Variants in NSD3 observed in about 807,000 individuals in gnomAD.
NSD3 encodes nuclear receptor binding SET domain protein 3.
NSD3 carries 24 observed loss-of-function variants against 160.8 expected under a neutral mutation model. The ratio of observed to expected loss-of-function variants is 0.15; its 90% CI spans 0.11 to 0.21. The LOEUF is 0.21. Among genes scored for constraint, NSD3 ranks in the 10% least tolerant of loss-of-function variants. The probability of loss-of-function intolerance (pLI) is 1.00; values close to 1 mark genes in which losing one functional copy is unlikely to be tolerated. For synonymous variants in NSD3, 520 were observed against 600.0 expected (o/e 0.87, Z 1.95); for missense variants, 1,157 against 1,735.9 (o/e 0.67, Z 5.93).
intron 4 of NSD3, chr8:38,336,008 G>A (rs1810207261): frequency 6.6e-6 from 1 of 152,200 alleles, no homozygotes; most frequent in Non-Finnish European, 1.5e-5. Context: ...GACGAAAAAT[G>A]GTTGAGCCAG....
intron 12 of NSD3, among the ~76,000 whole-genome samples, chr8:38,309,791 T>C (rs1809491544): frequency 6.6e-6 from 1 of 152,252 alleles, no homozygotes. Flanking sequence ...AGATGCTTTC[T>C]TTCCAGAAAT....
At chr8:38,352,543 G>C (rs1405971824) in intron 1 of NSD3, among the ~76,000 whole-genome samples, 1 of 152,170 alleles carries the variant, frequency 6.6e-6, no homozygotes, top group Non-Finnish European at 1.5e-5. Context: ...ACCACAAAGT[G>C]GGAGAACTTG....
At chr8:38,338,693 A>T in intron 2 of NSD3, 86 bp from the exon 3 acceptor site, 1 of 1,056,494 alleles carries the variant, frequency 9.5e-7, no homozygotes, top group South Asian at 1.3e-5. Flanking sequence ...AAAAAGAATC[A>T]AAGAAAACTA....
chr8:38,343,012 C>T (rs1328115905), intron 2 of NSD3, among the ~76,000 whole-genome samples: 3 of 150,828 alleles, frequency 2.0e-5, no homozygotes, highest in Non-Finnish European at 4.4e-5. Flanking sequence ...GCCAACATGG[C>T]GAAACCCCGT....
At chr8:38,380,273 T>C (rs1362730859) in intron 1 of NSD3, among the ~76,000 whole-genome samples, 2 of 152,208 alleles carry the variant, frequency 1.3e-5, no homozygotes, top group Non-Finnish European at 2.9e-5. Flanking sequence ...AAATACTATT[T>C]AAAAATACAT....
intron 3 of NSD3, among the ~76,000 whole-genome samples, chr8:38,337,891 C>A (rs1219761183): frequency 6.6e-6 from 1 of 152,136 alleles, no homozygotes; most frequent in Non-Finnish European, 1.5e-5. Context: ...TTCTCTGATG[C>A]CTCCTATCTA....
intron 1 of NSD3, among the ~76,000 whole-genome samples, chr8:38,350,688 C>A (rs1312592857): frequency 6.6e-6 from 1 of 152,204 alleles, no homozygotes; most frequent in East Asian, 1.9e-4. Flanking sequence ...GGGGTGGGGT[C>A]CTGGGCATAA....
At chr8:38,283,592 T>C (rs1808782594) in intron 19 of NSD3, among the ~76,000 whole-genome samples, 3 of 152,014 alleles carry the variant, frequency 2.0e-5, no homozygotes, top group African/African-American at 7.2e-5. Flanking sequence ...AAAAATAGAT[T>C]ATAATAAGGG....
rs554912662 is a variant in NSD3, at chr8:38,342,820, A to C, written c.676-4213T>G. On this transcript the variant is annotated intron_variant, in intron 2 of 23. Transcript: ENST00000317025. The stretch of plus-strand genomic sequence containing the variant: ...TGATCCGCCCGCCTCGGCCTCCCAA[A>C]GTGCTGGGATTACAGCCGTGAGCCA... Among the ~76,000 whole-genome samples the C allele has an allele frequency of 5.3e-5, 8 of 152,050 alleles. No homozygotes were observed. In the East Asian group the frequency reaches 1.6e-3, roughly 30 times the overall value.
At chr8:38,301,172 T>C (rs998404817) in intron 14 of NSD3, among the ~76,000 whole-genome samples, 1 of 152,178 alleles carries the variant, frequency 6.6e-6, no homozygotes, top group Non-Finnish European at 1.5e-5. Flanking sequence ...GGTCTTGCTA[T>C]GTTGCCCAGG....
Position 38,326,919 on chromosome 8 carries a change from G to C in NSD3, c.1582-63C>G, listed in dbSNP as rs550275824. On this transcript the variant is annotated intron_variant, in intron 6 of 23. Transcript: ENST00000317025. ...TGATTACCAGGCAAGTGGCATCATG[G>C]GCTTATAAAGATGGCTTAAAATGAT... is the stretch of plus-strand genomic sequence containing the variant. 4 of 1,567,582 alleles carry C rather than the reference G, an allele frequency of 2.6e-6. No individual in the cohort carries two copies. The African/African-American group carries it at 5.5e-5, about 22-fold the overall frequency.
Position 38,347,533 on chromosome 8 carries a change from T to G in NSD3, c.639A>C (p.Ser213=). The change falls in exon 2 of 24, where the codon TCA becomes TCC. Residue 213 remains serine (S), a synonymous_variant. Transcript: ENST00000317025. ...CTGGTTCTAATTTGGGGATTTTGTG[T>G]GACTTGCGCTCTTCAGATCTTGATG... ...HDSSRSEERK[S]HKIPKLEPEE... The G allele has an allele frequency of 6.3e-7, 1 of 1,586,054 alleles. No individual in the cohort carries two copies. Among genetic ancestry groups the G allele is most frequent in the Non-Finnish European group, 8.5e-7 (1 of 1,170,366 alleles).
rs1177568068 is a variant in NSD3 at position 38,270,020 on chromosome 8, T to C, written c.*5621A>G. 1.3e-5 allele frequency: 2 copies of C among 152,208 alleles called. No individual in the cohort carries two copies. Among genetic ancestry groups the C allele is most frequent in the Admixed American group, 1.3e-4 (2 of 15,282 alleles). 9.4% of individuals were successfully genotyped at this position (152,208 alleles called of 1,614,324 possible). A position where few individuals can be genotyped will look rare whatever the true frequency, so the allele number is the denominator to read the frequency against. On this transcript the variant is annotated 3_prime_UTR_variant, in exon 24 of 24. Transcript: ENST00000317025. Reference sequence around the variant, plus strand: ...ACGTTTCACACTATGCAATAAAACATAGGCCAATCAACAAAATCCTCAAAA... The same window carrying C: ...ACGTTTCACACTATGCAATAAAACACAGGCCAATCAACAAAATCCTCAAAA...
chr8:38,374,848 C>CA (rs1811348985), intron 1 of NSD3, among the ~76,000 whole-genome samples: 1 of 151,758 alleles, frequency 6.6e-6, no homozygotes, highest in South Asian at 2.1e-4. Flanking sequence ...ACTAAAAATA[C>CA]AAAAAATTAG....
intron 12 of NSD3, among the ~76,000 whole-genome samples, chr8:38,313,033 CAAATA>C (rs1809570722): frequency 6.6e-6 from 1 of 152,132 alleles, no homozygotes; most frequent in African/African-American, 2.4e-5. Flanking sequence ...TTCTGAAGGC[CAAATA>C]AAACGATGTG....
chr8:38,346,361 G>A (rs968668967), intron 2 of NSD3, among the ~76,000 whole-genome samples: 2 of 146,554 alleles, frequency 1.4e-5, no homozygotes, highest in African/African-American at 2.5e-5. Flanking sequence ...TATAGTATAT[G>A]TATATATGTA....
intron 3 of NSD3, 105 bp from the exon 4 acceptor site, chr8:38,337,572 T>C (rs550818067): frequency 3.7e-6 from 4 of 1,072,634 alleles, no homozygotes; most frequent in Middle Eastern, 3.3e-4. Context: ...AGTTATACTT[T>C]GATACAGGAA....
At chr8:38,333,606 G>A (rs985706718) in intron 4 of NSD3, among the ~76,000 whole-genome samples, 14 of 152,172 alleles carry the variant, frequency 9.2e-5, no homozygotes, top group Admixed American at 3.9e-4. Context: ...GGTGGCTCAC[G>A]CCTGTAATCC....
chr8:38,326,130 A>G (rs373123680), intron 7 of NSD3, among the ~76,000 whole-genome samples: 5 of 152,026 alleles, frequency 3.3e-5, no homozygotes, highest in African/African-American at 1.2e-4. Context: ...CCTGAGTGGC[A>G]GAGTGAGACT....
Sources: allele counts gnomAD v4.1 joint callset (sites outside exome capture counted in the v4.1 genomes callset), GRCh38; gene constraint gnomAD v4.1.1; transcripts MANE v1.5; gene names NCBI Gene and HGNC (gene_info 2026-07-23, HGNC 2026-07-21).